NSF: variants seen among roughly 807,000 people sequenced by gnomAD.
NSF encodes the protein vesicle-fusing ATPase.
A neutral mutation model predicts 50.3 loss-of-function variants in NSF; 14 were observed. That is an observed-to-expected ratio of 0.28 (90% CI 0.18 to 0.44). The LOEUF (loss-of-function observed/expected upper bound fraction) is 0.44. Ranked by LOEUF, NSF falls within the 20% of genes least tolerant of loss-of-function variation. The pLI, the probability that NSF is intolerant of heterozygous loss-of-function variation, is 1.00. For missense variants in NSF, 218 were observed against 504.3 expected, an observed-to-expected ratio of 0.43 and a Z score of 5.44; for synonymous variants, 109 against 175.7, an observed-to-expected ratio of 0.62 and a Z score of 3.00.
At chr17:46,626,015 G>A (rs1381658627) in intron 2 of NSF, among the ~76,000 whole-genome samples, 1 of 148,514 alleles carries the variant, frequency 6.7e-6, no homozygotes, top group Admixed American at 6.7e-5. Flanking sequence ...TTTATTTACA[G>A]GTAATTTCTG....
intron 13 of NSF, among the ~76,000 whole-genome samples, chr17:46,708,855 T>C (rs1356168741): frequency 7.2e-6 from 1 of 139,850 alleles, no homozygotes; most frequent in Non-Finnish European, 1.5e-5. Context: ...AGACTGAGTC[T>C]TGCTCTGTTG....
At chr17:46,722,629 G>A (rs562092926) in intron 15 of NSF, among the ~76,000 whole-genome samples, 1 of 152,206 alleles carries the variant, frequency 6.6e-6, no homozygotes. Context: ...CTGGGGCCTG[G>A]GCCAGAAAGG....
chr17:46,733,050 G>A (rs907440123), intron 17 of NSF, among the ~76,000 whole-genome samples: 9 of 152,318 alleles, frequency 5.9e-5, no homozygotes, highest in African/African-American at 2.2e-4. Context: ...CCCTGAGCTG[G>A]ACGTACAATT....
Position 46,755,502 on chromosome 17 carries a change from C to T in NSF, c.2213+133C>T, listed in dbSNP as rs773650308. 32 of 821,608 alleles carry T rather than the reference C, an allele frequency of 3.9e-5. No homozygotes were observed. The Middle Eastern group carries it at 6.7e-4, about 17-fold the overall frequency. 50.9% of individuals were successfully genotyped at this position (821,608 alleles called of 1,614,324 possible). On this transcript the variant is annotated intron_variant, in intron 20 of 20. Coordinates refer to ENST00000398238, the MANE Select transcript of NSF (RefSeq NM_006178.4). ...TGAATTCTTCGCTGTGTTGTAGGTC[C>T]GAGAGACCAAGCAAGGAAGTTGGTT... is the stretch of plus-strand genomic sequence containing the variant.
chr17:46,717,484 G>A (rs1384806239), intron 15 of NSF, among the ~76,000 whole-genome samples: 1 of 152,146 alleles, frequency 6.6e-6, no homozygotes, highest in Non-Finnish European at 1.5e-5. Flanking sequence ...AGGCTGAGGT[G>A]GGGGGATCAT....
chr17:46,750,640 G>A (rs1476691088), intron 18 of NSF, among the ~76,000 whole-genome samples: 1 of 152,172 alleles, frequency 6.6e-6, no homozygotes. Context: ...ATTCCTCAAT[G>A]TAGGCAGCTA....
At chr17:46,746,693 T>C (rs951941669) in intron 17 of NSF, among the ~76,000 whole-genome samples, 2 of 152,226 alleles carry the variant, frequency 1.3e-5, no homozygotes, top group African/African-American at 2.4e-5. Context: ...AGGCAGTATA[T>C]GATTTAGGTC....
rs1229003811 is a variant in NSF at position 46,694,342 on chromosome 17, G to A, written c.1187-133G>A. The A allele has an allele frequency of 1.5e-5, 9 of 589,398 alleles. 1 individual carries two copies. The highest frequency in any genetic ancestry group is 4.5e-5 in the African/African-American group (2 of 44,898). 36.5% of individuals were successfully genotyped at this position (589,398 alleles called of 1,614,324 possible). ...GCAGAGGTTGCAGTGAGCTGAGATCGTACCACTGCACTCCAGCCTGGGAAA... is the reference window on the plus strand; with the variant it reads ...GCAGAGGTTGCAGTGAGCTGAGATCATACCACTGCACTCCAGCCTGGGAAA... On this transcript the variant is annotated intron_variant, in intron 11 of 20. Transcript: ENST00000398238.
At chr17:46,755,115 G>A (rs561483594) in intron 19 of NSF, among the ~76,000 whole-genome samples, 199 bp from the exon 20 acceptor site, 1 of 152,362 alleles carries the variant, frequency 6.6e-6, no homozygotes, top group East Asian at 1.9e-4. Flanking sequence ...CATAGTTCTG[G>A]AAAACCCCAT....
chr17:46,688,861 C>A, intron 9 of NSF, among the ~76,000 whole-genome samples: 1 of 82,876 alleles, frequency 1.2e-5, no homozygotes, highest in Non-Finnish European at 2.0e-5. Context: ...TTTACTTGTA[C>A]CATACACAAA....
chr17:46,734,031 T>A (rs1299129556), intron 17 of NSF, among the ~76,000 whole-genome samples: 1 of 152,224 alleles, frequency 6.6e-6, no homozygotes, highest in Non-Finnish European at 1.5e-5. Flanking sequence ...TGCATGAGTT[T>A]TGTTTTTAAC....
At chr17:46,710,077 A>G (rs142624409) in intron 13 of NSF, among the ~76,000 whole-genome samples, 319 of 152,352 alleles carry the variant, frequency 2.1e-3, no homozygotes, top group African/African-American at 7.5e-3. Flanking sequence ...TATTAAAACT[A>G]TTCCATACAT....
chr17:46,675,990 C>T (rs1197223328), intron 9 of NSF, among the ~76,000 whole-genome samples: 1 of 135,806 alleles, frequency 7.4e-6, no homozygotes, highest in Non-Finnish European at 1.5e-5. Flanking sequence ...TCGTAAGATA[C>T]GGGCTGCAGC....
At chr17:46,737,576 T>C (rs770328893) in intron 17 of NSF, among the ~76,000 whole-genome samples, 22 of 65,448 alleles carry the variant, frequency 3.4e-4, no homozygotes, top group Middle Eastern at 0.016. Context: ...TGTGTGCGTG[T>C]GTGTGTGTGT....
At chr17:46,687,068 G>C (rs2058499007) in intron 9 of NSF, among the ~76,000 whole-genome samples, 1 of 19,348 alleles carries the variant, frequency 5.2e-5, no homozygotes, top group Non-Finnish European at 1.1e-4. Context: ...GTCATTTTTG[G>C]AACTCTTTCT....
intron 16 of NSF, 130 bp downstream of exon 16, chr17:46,726,745 G>T: frequency 1.2e-6 from 1 of 821,402 alleles, no homozygotes; most frequent in South Asian, 1.4e-5. Context: ...GTCTTACAAG[G>T]AAATATAATG....
intron 15 of NSF, among the ~76,000 whole-genome samples, chr17:46,725,276 A>G (rs1178284773): frequency 6.6e-6 from 1 of 152,236 alleles, no homozygotes; most frequent in Non-Finnish European, 1.5e-5. Context: ...TACACATAAC[A>G]TGAACAGAAT....
intron 17 of NSF, among the ~76,000 whole-genome samples, chr17:46,734,208 A>C (rs1237294448): frequency 6.6e-6 from 1 of 152,194 alleles, no homozygotes; most frequent in Non-Finnish European, 1.5e-5. Context: ...AGAGACTCCA[A>C]ATCATGCAGG....
At chr17:46,708,031 C>CA (rs35548565) in intron 13 of NSF, among the ~76,000 whole-genome samples, 2,777 of 85,372 alleles carry the variant, frequency 0.033, 69 homozygotes, top group East Asian at 0.11. Context: ...GACCCTGTCT[C>CA]AAAAAAAAAA....
Sources: gnomAD v4.1 joint callset for allele counts (sites outside exome capture counted in the v4.1 genomes callset) on GRCh38, gnomAD v4.1.1 for gene constraint, MANE v1.5 for transcripts, NCBI Gene and HGNC (gene_info 2026-07-23, HGNC 2026-07-21) for gene names.